DHTKD1: variants seen among roughly 807,000 people sequenced by gnomAD.
The protein encoded by DHTKD1 is 2-oxoadipate dehydrogenase complex component E1.
In DHTKD1, 78 loss-of-function variants were observed where a neutral mutation model predicts 101.8. The ratio of observed to expected loss-of-function variants is 0.77; its 90% confidence interval spans 0.64 to 0.93. The LOEUF (loss-of-function observed/expected upper bound fraction) is 0.93. Among genes scored for constraint, DHTKD1 ranks in the 40% least tolerant of loss-of-function variants. The pLI is 0.00. For missense variants in DHTKD1, 1,223 were observed against 1,161.7 expected (o/e 1.05, Z -0.77); for synonymous variants, 462 against 450.3 (o/e 1.03, Z -0.33).
chr10:12,117,591 CG>C lies in DHTKD1; in HGVS notation c.2320-81del, dbSNP rs1054419735. The C allele has an allele frequency of 2.0e-5, 17 of 833,548 alleles. 1 individual carries two copies. The African/African-American group carries it at 2.9e-4, about 14-fold the overall frequency. The allele number at this position is 833,548 out of a possible 1,614,324, so 51.6% of individuals were successfully genotyped here. A position where few individuals can be genotyped will look rare whatever the true frequency, so the allele number is the denominator to read the frequency against. On this transcript the variant is annotated intron_variant, in intron 13 of 16. Coordinates refer to ENST00000263035, the MANE Select transcript of DHTKD1 (RefSeq NM_018706.7). The stretch of plus-strand genomic sequence containing the variant: ...AGTGCTAGGCTAGAACTTTGGTACT[CG>C]TGTTTGATAGCGGCCCTTGTAAGTG...
chr10:12,090,385 C>A (rs367579068), intron 5 of DHTKD1, among the ~76,000 whole-genome samples: 5 of 115,202 alleles, frequency 4.3e-5, no homozygotes, highest in African/African-American at 1.5e-4. Flanking sequence ...TCCTTCCTTC[C>A]TTTTTTCCTT....
At chr10:12,094,023 T>A (rs373471268) in intron 6 of DHTKD1, 50 bp from the exon 7 acceptor site, 3 of 1,486,376 alleles carry the variant, frequency 2.0e-6, no homozygotes, top group Non-Finnish European at 2.8e-6. Flanking sequence ...AGAGGGCCAG[T>A]GTCATTCTGG....
Position 12,094,221 on chromosome 10 carries a change from T to C in DHTKD1, c.1308T>C (p.Asn436=). The C allele has an allele frequency of 3.1e-6, 5 of 1,614,202 alleles. No individual in the cohort carries two copies. Among genetic ancestry groups the C allele is most frequent in the Non-Finnish European group, 4.2e-6 (5 of 1,180,046 alleles). ...TGTGCTACAGGCAGTGGGGCCACAA[T>C]GAGCTGGATGAGCCATTCTACACCA... ...DLLCYRQWGH[N]ELDEPFYTNP... Residue 436 remains asparagine (N), a synonymous_variant, in exon 7 of 17, where the codon AAT becomes AAC. Coordinates refer to ENST00000263035, the MANE Select transcript of DHTKD1 (RefSeq NM_018706.7).
chr10:12,108,683 A>G (rs1833285241), intron 12 of DHTKD1, among the ~76,000 whole-genome samples: 1 of 152,188 alleles, frequency 6.6e-6, no homozygotes, highest in East Asian at 1.9e-4. Context: ...CTTATAGTTT[A>G]TTATGAAGAC....
At chr10:12,106,112 C>A in intron 10 of DHTKD1, 134 bp from the exon 11 acceptor site, 1 of 963,186 alleles carries the variant, frequency 1.0e-6, no homozygotes, top group Non-Finnish European at 1.6e-6. Flanking sequence ...CAGAAACAAA[C>A]AAACAAAAAG....
chr10:12,100,274 C>CTTTTTTTTTCTTTTTTT lies in DHTKD1; in HGVS notation c.1756+21_1756+22insCTTTTTTTTTTTTTTTT. On this transcript the variant is annotated intron_variant, in intron 9 of 16. Transcript: ENST00000263035. The stretch of plus-strand genomic sequence containing the variant: ...TTTACTTGCTCAAGGTAAGAATTTT[C>CTTTTTTTTTCTTTTTTT]TTTTTTTTTTCTGTTTTTTTTTTTT... 2 of 351,672 alleles carry CTTTTTTTTTCTTTTTTT rather than the reference C, an allele frequency of 5.7e-6. No individual in the cohort carries two copies. Among genetic ancestry groups the CTTTTTTTTTCTTTTTTT allele is most frequent in the Admixed American group, 7.0e-5 (1 of 14,370 alleles). The allele number at this position is 351,672 out of a possible 1,614,324, so 21.8% of individuals were successfully genotyped here.
chr10:12,091,427 A>AT, intron 5 of DHTKD1, 86 bp from the exon 6 acceptor site: 1 of 869,810 alleles, frequency 1.1e-6, no homozygotes, highest in Non-Finnish European at 1.6e-6. Context: ...AAAAAAAAAA[A>AT]AAAGTTATTC....
chr10:12,072,725 C>T (rs994848600), intron 1 of DHTKD1, among the ~76,000 whole-genome samples: 4 of 150,270 alleles, frequency 2.7e-5, no homozygotes, highest in African/African-American at 9.8e-5. Flanking sequence ...AGTAGTGATT[C>T]ATGGGTGTTC....
At chr10:12,099,034 G>T (rs1833116275) in intron 8 of DHTKD1, among the ~76,000 whole-genome samples, 1 of 152,088 alleles carries the variant, frequency 6.6e-6, no homozygotes, top group Non-Finnish European at 1.5e-5. Flanking sequence ...GCCTGGCATG[G>T]TGGCGCATGC....
At chr10:12,081,756 A>G in intron 2 of DHTKD1, 129 bp downstream of exon 2, 2 of 967,282 alleles carry the variant, frequency 2.1e-6, no homozygotes, top group Admixed American at 2.6e-5. Context: ...CCCGAGGGGC[A>G]TGTTGAAGTA....
At chr10:12,093,250 G>A (rs1406937262) in intron 6 of DHTKD1, among the ~76,000 whole-genome samples, 2 of 152,036 alleles carry the variant, frequency 1.3e-5, no homozygotes, top group African/African-American at 4.8e-5. Flanking sequence ...CACCATGTTG[G>A]TCAGGCTGGT....
At chr10:12,092,926 G>A (rs1295123095) in intron 6 of DHTKD1, among the ~76,000 whole-genome samples, 1 of 152,064 alleles carries the variant, frequency 6.6e-6, no homozygotes, top group East Asian at 1.9e-4. Context: ...TACTCAGACT[G>A]GAGTGCAGTG....
intron 10 of DHTKD1, among the ~76,000 whole-genome samples, chr10:12,104,882 T>C (rs544649297): frequency 2.6e-5 from 2 of 77,262 alleles, no homozygotes; most frequent in Non-Finnish European, 5.7e-5. Context: ...TTTTTTTTTC[T>C]TTTTTTTTTT....
At chr10:12,073,762 A>G (rs529639781) in intron 1 of DHTKD1, among the ~76,000 whole-genome samples, 1 of 152,298 alleles carries the variant, frequency 6.6e-6, no homozygotes, top group East Asian at 1.9e-4. Flanking sequence ...CAGGCCCCAC[A>G]GCTTGGCATG....
intron 13 of DHTKD1, among the ~76,000 whole-genome samples, chr10:12,113,913 T>C (rs4747961): frequency 0.87 from 132,764 of 152,180 alleles, 58,115 homozygotes; most frequent in East Asian, 0.98. Context: ...CAGCAAGACA[T>C]TGTCTGAAAA....
At chr10:12,118,071 G>A (rs1286492814) in intron 14 of DHTKD1, among the ~76,000 whole-genome samples, 1 of 151,468 alleles carries the variant, frequency 6.6e-6, no homozygotes, top group African/African-American at 2.4e-5. Flanking sequence ...TTTATTTTTA[G>A]TAGAGATGGG....
Position 12,087,791 on chromosome 10 carries a change from G to A in DHTKD1, c.717+62G>A. On this transcript the variant is annotated intron_variant, in intron 4 of 16. Transcript: ENST00000263035. This position sits in a 1 kb window ranked among gnomAD's most constrained non-coding sequence, Gnocchi z 5.2. Reference sequence around the variant, plus strand: ...TGATTGATTGTAACAGAATAAAACTGCTGGTTTCATTCTGGTGATAAATGA... The same window carrying A: ...TGATTGATTGTAACAGAATAAAACTACTGGTTTCATTCTGGTGATAAATGA... 1 of 1,370,010 alleles carries A rather than the reference G, an allele frequency of 7.3e-7. No homozygotes were observed. The highest frequency in any genetic ancestry group is 2.8e-5 in the Admixed American group (1 of 35,750). 84.9% of individuals were successfully genotyped at this position (1,370,010 alleles called of 1,614,324 possible).
In DHTKD1 at chr10:12,068,955, A is replaced by T. The variant is rs1156900708; in HGVS notation, c.-79A>T. ...GGGGGCGGGGCTCCGGCCGCCTCTG[A>T]CGAGTCCCGGATTTACCAGGGCCGG... On this transcript the variant is annotated 5_prime_UTR_variant, in exon 1 of 17. Transcript: ENST00000263035. The T allele has an allele frequency of 1.3e-6, 2 of 1,550,774 alleles. No individual in the cohort carries two copies. Among genetic ancestry groups the T allele is most frequent in the East Asian group, 4.7e-5 (2 of 42,812 alleles).
intron 1 of DHTKD1, among the ~76,000 whole-genome samples, chr10:12,071,372 G>A (rs1454473231): frequency 6.6e-6 from 1 of 152,210 alleles, no homozygotes; most frequent in Non-Finnish European, 1.5e-5. Context: ...GTTAGGAATC[G>A]TAGCAGTCTC....
Sources: gnomAD v4.1 joint callset for allele counts (sites outside exome capture counted in the v4.1 genomes callset) on GRCh38, gnomAD v4.1.1 for gene constraint, Gnocchi (gnomAD v3.1) non-coding constraint, MANE v1.5 for transcripts, NCBI Gene and HGNC (gene_info 2026-07-23, HGNC 2026-07-21) for gene names.